The following CADM2 variants were observed in gnomAD, a reference collection of about 807,000 sequenced individuals.
The protein encoded by CADM2 is cell adhesion molecule 2, also known as immunoglobulin superfamily member 4D.
In CADM2, 12 loss-of-function variants were observed where a neutral mutation model predicts 49.8. That is an observed-to-expected ratio of 0.24 (90% CI 0.15 to 0.39). The LOEUF is 0.39. Ranked by LOEUF, CADM2 falls within the 10% of genes least tolerant of loss-of-function variation. The pLI is 1.00. For missense variants in CADM2, 378 were observed against 492.3 expected (o/e 0.77, Z 2.20); for synonymous variants, 214 against 175.4 (o/e 1.22, Z -1.74).
intron 2 of CADM2, among the ~76,000 whole-genome samples, chr3:85,755,397 T>A (rs2107877908): frequency 6.6e-6 from 1 of 152,186 alleles, no homozygotes; most frequent in South Asian, 2.1e-4. Flanking sequence ...AGCCCAGAGC[T>A]TCCTGCCCTC....
intron 1 of CADM2, among the ~76,000 whole-genome samples, chr3:85,646,004 G>A (rs2064871479): frequency 6.6e-6 from 1 of 152,008 alleles, no homozygotes; most frequent in Admixed American, 6.6e-5. Context: ...ATTTAAAGCA[G>A]TAATACTTTT....
In CADM2 at chr3:86,043,133, G is replaced by T. The variant is rs557521135; in HGVS notation, c.971-22472G>T. On this transcript the variant is annotated intron_variant, in intron 8 of 9. Coordinates refer to ENST00000383699, the MANE Select transcript of CADM2 (RefSeq NM_001167675.2). ...CCCACAGCCAATATCGTACTGAATGGGCAAAAACTGGAAGCATTCGCTTTG... is the reference window on the plus strand; with the variant it reads ...CCCACAGCCAATATCGTACTGAATGTGCAAAAACTGGAAGCATTCGCTTTG... Among the ~76,000 whole-genome samples the T allele has an allele frequency of 8.5e-5, 13 of 152,220 alleles. No homozygotes were observed. In the South Asian group the frequency reaches 2.7e-3, roughly 32 times the overall value.
chr3:85,119,239 C>T lies in CADM2; in HGVS notation c.61+159571C>T, dbSNP rs111987272. Among the ~76,000 whole-genome samples, 623 of 152,232 alleles carry T rather than the reference C, an allele frequency of 4.1e-3. 7 individuals carry two copies. The highest frequency in any genetic ancestry group is 0.014 in the African/African-American group (592 of 41,544). On this transcript the variant is annotated intron_variant, in intron 1 of 9. Transcript: ENST00000383699. ...CTAGCTTGGGCAACATGGTGAAACC[C>T]TGTCTCTACAAAAAAAATCCGGGCA...
intron 1 of CADM2, among the ~76,000 whole-genome samples, chr3:85,394,786 G>A (rs1387481827): frequency 9.2e-5 from 14 of 152,018 alleles, no homozygotes; most frequent in Non-Finnish European, 1.5e-5. Flanking sequence ...AGTCTGTAGG[G>A]TATTATTGCT....
At chr3:85,807,293 G>A (rs1444173205) in intron 3 of CADM2, among the ~76,000 whole-genome samples, 1 of 152,150 alleles carries the variant, frequency 6.6e-6, no homozygotes, top group Non-Finnish European at 1.5e-5. Flanking sequence ...GAGGTCAGGA[G>A]TTTGAGACCA....
intron 1 of CADM2, among the ~76,000 whole-genome samples, chr3:85,344,073 A>G (rs2030261176): frequency 6.6e-6 from 1 of 152,154 alleles, no homozygotes; most frequent in Non-Finnish European, 1.5e-5. Context: ...TTGAAATAGC[A>G]CATAATTAAG....
chr3:85,829,290 T>G (rs1435666177), intron 3 of CADM2, among the ~76,000 whole-genome samples: 1 of 151,890 alleles, frequency 6.6e-6, no homozygotes, highest in Admixed American at 6.6e-5. Flanking sequence ...TTTTTTGCTT[T>G]TATTATTTTT....
intron 1 of CADM2, among the ~76,000 whole-genome samples, chr3:84,984,150 G>T (rs1164391567): frequency 2.0e-5 from 3 of 150,930 alleles, no homozygotes; most frequent in Admixed American, 6.6e-5. Flanking sequence ...AGATATCTAC[G>T]CCTGAGCTGT....
At position 85,278,717 on chromosome 3, in the gene CADM2, CTTGTGT is replaced by C. The variant is rs1183175879; in HGVS notation, c.61+319050_61+319055del. Reference sequence around the variant, plus strand: ...ATGAAATGTTCTCACTGCTGATGTTCTTGTGTGTGTGTGTGTGTGTGTGTGTGTGTG... The same window carrying C: ...ATGAAATGTTCTCACTGCTGATGTTCGTGTGTGTGTGTGTGTGTGTGTGTG... On this transcript the variant is annotated intron_variant, in intron 1 of 9. Coordinates refer to ENST00000383699, the MANE Select transcript of CADM2 (RefSeq NM_001167675.2). Among the ~76,000 whole-genome samples the C allele has an allele frequency of 2.3e-3, 194 of 83,420 alleles. 1 individual carries two copies. The highest frequency in any genetic ancestry group is 9.6e-3 in the African/African-American group (186 of 19,304). 54.7% of individuals were successfully genotyped at this position (83,420 alleles called of 152,430 possible). A position where few individuals can be genotyped will look rare whatever the true frequency, so the allele number is the denominator to read the frequency against.
intron 1 of CADM2, among the ~76,000 whole-genome samples, chr3:85,521,991 G>A (rs187276410): frequency 1.3e-5 from 2 of 152,166 alleles, no homozygotes; most frequent in East Asian, 1.9e-4. Context: ...ATTTTCACAG[G>A]TCTCTGAGGG....
At chr3:85,053,779 TCTGA>T (rs1414616422) in intron 1 of CADM2, among the ~76,000 whole-genome samples, 9 of 151,990 alleles carry the variant, frequency 5.9e-5, no homozygotes, top group African/African-American at 1.2e-4. Context: ...ACTGAAGTTC[TCTGA>T]CTATGTAAAA....
chr3:86,006,708 C>T (rs763159724), intron 8 of CADM2, among the ~76,000 whole-genome samples: 1 of 152,056 alleles, frequency 6.6e-6, no homozygotes, highest in Non-Finnish European at 1.5e-5. Flanking sequence ...TCCACAAATT[C>T]CTTTTGTGGC....
intron 1 of CADM2, among the ~76,000 whole-genome samples, chr3:85,455,686 G>C (rs757200049): frequency 1.3e-5 from 2 of 152,050 alleles, no homozygotes; most frequent in Admixed American, 6.6e-5. Flanking sequence ...GCAACTGAAG[G>C]CTTCACAAAG....
intron 1 of CADM2, among the ~76,000 whole-genome samples, chr3:85,300,956 T>C (rs894026814): frequency 6.6e-6 from 1 of 152,034 alleles, no homozygotes; most frequent in Non-Finnish European, 1.5e-5. Flanking sequence ...GTTACGTTAC[T>C]GGCCTGAAAT....
At chr3:85,333,598 T>A (rs1228777981) in intron 1 of CADM2, among the ~76,000 whole-genome samples, 1 of 151,782 alleles carries the variant, frequency 6.6e-6, no homozygotes, top group African/African-American at 2.4e-5. Flanking sequence ...TTAATCATTT[T>A]AAATAATTTT....
At chr3:85,439,149 T>A (rs12629036) in intron 1 of CADM2, among the ~76,000 whole-genome samples, 1 of 146,774 alleles carries the variant, frequency 6.8e-6, no homozygotes. Context: ...TAATGACTTA[T>A]AATGACTTTT....
chr3:85,586,487 T>C (rs566884866), intron 1 of CADM2, among the ~76,000 whole-genome samples: 8 of 152,242 alleles, frequency 5.3e-5, no homozygotes, highest in Non-Finnish European at 1.0e-4. Context: ...TATTTCATAA[T>C]ACAGTTGCTA....
chr3:85,231,206 G>A (rs1463830921), intron 1 of CADM2, among the ~76,000 whole-genome samples: 1 of 152,044 alleles, frequency 6.6e-6, no homozygotes, highest in African/African-American at 2.4e-5. Context: ...TATTCTGAGT[G>A]TTATTCAACC....
intron 1 of CADM2, among the ~76,000 whole-genome samples, chr3:85,335,913 C>G (rs1192798647): frequency 1.3e-5 from 2 of 151,318 alleles, no homozygotes; most frequent in African/African-American, 2.4e-5. Flanking sequence ...AATAAGCAAA[C>G]AGTAATAAAA....
Sources: allele counts gnomAD v4.1 joint callset (sites outside exome capture counted in the v4.1 genomes callset), GRCh38; gene constraint gnomAD v4.1.1; transcripts MANE v1.5; gene names NCBI Gene and HGNC (gene_info 2026-07-23, HGNC 2026-07-21).